The following KAT6B variants were observed in gnomAD, a reference collection of about 807,000 sequenced individuals.
KAT6B encodes histone acetyltransferase KAT6B.
In KAT6B, 10 loss-of-function variants were observed where a neutral mutation model predicts 187.5. That is an observed-to-expected ratio of 0.05 (90% CI 0.03 to 0.09). The LOEUF (loss-of-function observed/expected upper bound fraction) is 0.09, where lower values mean the gene tolerates loss of function less well. KAT6B is among the 10% of genes least tolerant of loss of function. KAT6B has a pLI of 1.00. For synonymous variants in KAT6B, 861 were observed against 926.8 expected (o/e 0.93, Z 1.29); for missense variants, 1,952 against 2,558.9 (o/e 0.76, Z 5.12).
intron 3 of KAT6B, among the ~76,000 whole-genome samples, chr10:74,897,668 A>G (rs1846085189): frequency 6.6e-6 from 1 of 152,210 alleles, no homozygotes; most frequent in African/African-American, 2.4e-5. Flanking sequence ...TTAGCAGTGA[A>G]CTTCATCCAA....
At chr10:75,000,890 G>A (rs1175073626) in intron 13 of KAT6B, among the ~76,000 whole-genome samples, 5 of 152,182 alleles carry the variant, frequency 3.3e-5, no homozygotes, top group South Asian at 4.2e-4. Context: ...TGTGAGGTCC[G>A]TGTGCTATTT....
chr10:74,899,838 A>G (rs1262790546), intron 3 of KAT6B, among the ~76,000 whole-genome samples: 1 of 152,196 alleles, frequency 6.6e-6, no homozygotes, highest in African/African-American at 2.4e-5. Flanking sequence ...CCTAGTCTAT[A>G]TTGAACTAAT....
chr10:74,895,601 G>A (rs954335985), intron 3 of KAT6B, among the ~76,000 whole-genome samples: 1 of 152,068 alleles, frequency 6.6e-6, no homozygotes, highest in Admixed American at 6.6e-5. Context: ...GTGCAGTGGT[G>A]CAATCTCAGC....
intron 3 of KAT6B, among the ~76,000 whole-genome samples, chr10:74,936,888 A>T (rs915379377): frequency 2.0e-5 from 3 of 152,226 alleles, no homozygotes; most frequent in Non-Finnish European, 4.4e-5. Context: ...TAGAGAAGTT[A>T]TGAAGGAGGA....
chr10:74,836,226 A>G (rs1564895875), intron 1 of KAT6B, among the ~76,000 whole-genome samples: 3 of 152,184 alleles, frequency 2.0e-5, no homozygotes, highest in Admixed American at 6.5e-5. Context: ...GTTGATGGAC[A>G]TTTGGGCTGT....
intron 16 of KAT6B, chr10:75,023,515 G>A (rs1845594513): frequency 6.6e-6 from 1 of 152,210 alleles, no homozygotes; most frequent in African/African-American, 2.4e-5. Flanking sequence ...TCCAAGGCAT[G>A]ATCTGAACTG....
chr10:74,849,413 C>T (rs1351578405), intron 3 of KAT6B, among the ~76,000 whole-genome samples: 2 of 152,204 alleles, frequency 1.3e-5, no homozygotes, highest in African/African-American at 2.4e-5. Context: ...CTGCATCAGC[C>T]TCCCAAGTAG....
At chr10:74,886,678 A>G (rs1845300211) in intron 3 of KAT6B, among the ~76,000 whole-genome samples, 1 of 152,092 alleles carries the variant, frequency 6.6e-6, no homozygotes, top group African/African-American at 2.4e-5. Context: ...ATCTGCTCCT[A>G]CTCTGTACTT....
intron 3 of KAT6B, among the ~76,000 whole-genome samples, chr10:74,957,180 T>C (rs1840747126): frequency 6.6e-6 from 1 of 152,226 alleles, no homozygotes; most frequent in Non-Finnish European, 1.5e-5. Flanking sequence ...TGCGTTACTG[T>C]AAAAGTTTCA....
At chr10:74,891,770 C>A (rs1177321833) in intron 3 of KAT6B, among the ~76,000 whole-genome samples, 1 of 152,168 alleles carries the variant, frequency 6.6e-6, no homozygotes, top group Non-Finnish European at 1.5e-5. Context: ...TTAGTTGGAA[C>A]AATATTGGCA....
intron 3 of KAT6B, among the ~76,000 whole-genome samples, chr10:74,857,517 C>G (rs1478913244): frequency 1.3e-5 from 2 of 152,128 alleles, no homozygotes; most frequent in Non-Finnish European, 2.9e-5. Context: ...AGATAATGCC[C>G]TTATCTCACA....
chr10:75,028,754 G>A lies in KAT6B; in HGVS notation c.3930G>A (p.Glu1310=). The change falls in exon 18 of 18, where the codon GAG becomes GAA. Residue 1310 remains glutamate (E), a synonymous_variant. Coordinates refer to ENST00000287239, the MANE Select transcript of KAT6B (RefSeq NM_012330.4). ...TSPSPIRIEE[E]VKETGEALLP... The stretch of plus-strand genomic sequence containing the variant: ...CCAGTCCCATCAGGATTGAGGAGGA[G>A]GTCAAGGAAACTGGGGAAGCCCTGT... The A allele has an allele frequency of 2.5e-6, 4 of 1,614,070 alleles. No individual in the cohort carries two copies. Among genetic ancestry groups the A allele is most frequent in the Non-Finnish European group, 3.4e-6 (4 of 1,180,004 alleles).
At chr10:74,913,038 G>A (rs1453595256) in intron 3 of KAT6B, among the ~76,000 whole-genome samples, 1 of 152,210 alleles carries the variant, frequency 6.6e-6, no homozygotes, top group African/African-American at 2.4e-5. Context: ...AGTGTCAAGT[G>A]AAGTATTACT....
At chr10:74,855,218 G>T (rs746810022) in intron 3 of KAT6B, among the ~76,000 whole-genome samples, 5 of 152,188 alleles carry the variant, frequency 3.3e-5, no homozygotes, top group Non-Finnish European at 7.3e-5. Flanking sequence ...AGTGAGGCCT[G>T]CAGGAAGGAG....
At chr10:74,866,033 G>A (rs903592676) in intron 3 of KAT6B, among the ~76,000 whole-genome samples, 3 of 151,950 alleles carry the variant, frequency 2.0e-5, no homozygotes, top group Non-Finnish European at 4.4e-5. Context: ...TGTCTCTGTG[G>A]GTTCTTCAGG....
Position 74,976,169 on chromosome 10 carries a change from G to T in KAT6B, c.1832G>T (p.Gly611Val). 1 of 1,614,146 alleles carries T rather than the reference G, an allele frequency of 6.2e-7. No homozygotes were observed. The highest frequency in any genetic ancestry group is 8.5e-7 in the Non-Finnish European group (1 of 1,180,020). ...TCCTCTAGCTGGGGGATGGCTAGAG[G>T]AAGTATTTTTAAAGCAATTGCTCAC... ...SSSSSWGMAR[G>V]SIFKAIAHFK... The change falls in exon 8 of 18, where the codon GGA (glycine) becomes GTA (valine). Residue 611 changes from glycine to valine, a missense_variant. Gly to Val is a moderately radical substitution (Grantham distance 109). Around this residue, in one of 9 missense-constraint regions of KAT6B, gnomAD observed 417 missense variants for 508.9 expected, o/e 0.82. Coordinates refer to ENST00000287239, the MANE Select transcript of KAT6B (RefSeq NM_012330.4).
At chr10:74,865,097 ATATTC>A (rs1335369908) in intron 3 of KAT6B, among the ~76,000 whole-genome samples, 79 of 152,360 alleles carry the variant, frequency 5.2e-4, no homozygotes, top group African/African-American at 1.7e-3. Flanking sequence ...GAAGGATTAT[ATATTC>A]TTCATAGGGT....
At chr10:74,998,601 A>T (rs189511782) in intron 13 of KAT6B, among the ~76,000 whole-genome samples, 1 of 152,222 alleles carries the variant, frequency 6.6e-6, no homozygotes, top group South Asian at 2.1e-4. Flanking sequence ...GTTATGGCAC[A>T]TCCATATAAT....
At position 74,962,903 on chromosome 10, in the gene KAT6B, C is replaced by T. The variant is rs1461777618; in HGVS notation, c.730+2825C>T. On this transcript the variant is annotated intron_variant, in intron 4 of 17. Coordinates refer to ENST00000287239, the MANE Select transcript of KAT6B (RefSeq NM_012330.4). ...CATTCAAGTTTATATGTAGTAAAAA[C>T]GTGAGGTGAGGTATGTAGTGCCCGG... is the stretch of plus-strand genomic sequence containing the variant. 3.3e-5 allele frequency among the ~76,000 whole-genome samples: 5 copies of T among 151,230 alleles called. No individual in the cohort carries two copies. In the East Asian group the frequency reaches 7.8e-4, roughly 24 times the overall value.
Sources: allele counts gnomAD v4.1 joint callset (sites outside exome capture counted in the v4.1 genomes callset), GRCh38; gene constraint gnomAD v4.1.1; regional missense constraint gnomAD v4.1.1; transcripts MANE v1.5; gene names NCBI Gene and HGNC (gene_info 2026-07-23, HGNC 2026-07-21).